Variants in BAIAP3 observed in about 807,000 individuals in gnomAD.
BAIAP3 encodes the protein BAI1-associated protein 3.
Under a neutral mutation model 149.7 loss-of-function variants are expected in BAIAP3, and 180 were observed. That is an observed-to-expected ratio of 1.20 (90% CI 1.07 to 1.36). BAIAP3 has a LOEUF of 1.36. BAIAP3 is among the 40% of genes most tolerant of loss of function. BAIAP3 has a pLI of 0.00. For synonymous variants in BAIAP3, 845 were observed against 670.7 expected (o/e 1.26, Z -4.02); for missense variants, 1,767 against 1,563.4 (o/e 1.13, Z -2.20).
chr16:1,343,147 T>C, intron 14 of BAIAP3, 131 bp downstream of exon 14: 1 of 1,095,970 alleles, frequency 9.1e-7, no homozygotes, highest in Non-Finnish European at 1.3e-6. Flanking sequence ...GCTGAGTAGG[T>C]GGGGCTGCGC....
rs773737203 is a variant in BAIAP3, at chr16:1,339,002, C to T, written c.219+13C>T. Reference sequence around the variant, plus strand: ...GCCGTGCCTCGAGGTAAGGGTGCCACCCCCAGGGCCCGATACCACAGCCCA... The same window carrying T: ...GCCGTGCCTCGAGGTAAGGGTGCCATCCCCAGGGCCCGATACCACAGCCCA... On this transcript the variant is annotated intron_variant, in intron 3 of 33. Coordinates refer to ENST00000426824, the MANE Select transcript of BAIAP3 (RefSeq NM_001199097.2). 5.6e-6 allele frequency: 9 copies of T among 1,612,280 alleles called. No individual in the cohort carries two copies. Among genetic ancestry groups the T allele is most frequent in the African/African-American group, 2.7e-5 (2 of 75,014 alleles).
Position 1,346,363 on chromosome 16 carries a change from T to G in BAIAP3, c.2493+2T>G. Reference sequence around the variant, plus strand: ...GTGACAGCGCACCTGACCTCTAAGGTGGGTGGGGCCTGGAGACCAAGGCGT... The same window carrying G: ...GTGACAGCGCACCTGACCTCTAAGGGGGGTGGGGCCTGGAGACCAAGGCGT... On this transcript the variant is annotated splice_donor_variant, in intron 25 of 33. Transcript: ENST00000426824. LOFTEE classifies it high-confidence loss of function. The G allele has an allele frequency of 6.2e-7, 1 of 1,608,932 alleles. No homozygotes were observed. Among genetic ancestry groups the G allele is most frequent in the Non-Finnish European group, 8.5e-7 (1 of 1,176,986 alleles).
chr16:1,347,393 C>T (rs776139444), intron 29 of BAIAP3, 24 bp downstream of exon 29: 11 of 1,611,048 alleles, frequency 6.8e-6, no homozygotes, highest in African/African-American at 5.3e-5. Flanking sequence ...CTCTGTGGGG[C>T]GGGGGTGTGG....
In BAIAP3 at chr16:1,343,016, T is replaced by C. The variant is rs776783816; in HGVS notation, c.1265T>C (p.Leu422Pro). The C allele has an allele frequency of 2.5e-6, 4 of 1,606,378 alleles. No homozygotes were observed. The highest frequency in any genetic ancestry group is 1.3e-5 in the African/African-American group (1 of 74,600). The change falls in exon 14 of 34, where the codon CTG becomes CCG. Residue 422 changes from leucine (L) to proline (P), a missense_variant and splice_region_variant. Transcript: ENST00000426824. ...CTGTCACCCTTGCAGCTGGCCGTGC[T>C]GTGAGTGGGTGGAGCTACGAGTGGG... ...SNLSPLQLAVLHWQVSSRHHQ... is the reference protein window; with the variant it reads ...SNLSPLQLAVPHWQVSSRHHQ...
At position 1,347,326 on chromosome 16, in the gene BAIAP3, G is replaced by A. The variant is rs757013131; in HGVS notation, c.2780G>A (p.Gly927Asp). The part of the protein sequence containing the change: ...EALVSFFHAE[G>D]QGLPLESLRD... Reference sequence around the variant, plus strand: ...CTGGTCAGTTTTTTCCACGCAGAGGGTCAGGGTTTGCCCCTGGAGAGCCTG... The same window carrying A: ...CTGGTCAGTTTTTTCCACGCAGAGGATCAGGGTTTGCCCCTGGAGAGCCTG... The change falls in exon 29 of 34, where the codon GGT (glycine) becomes GAT (aspartate). Residue 927 changes from glycine to aspartate, a missense_variant. Physicochemically the swap from Gly to Asp is moderately conservative, Grantham distance 94. Transcript: ENST00000426824. 6.2e-6 allele frequency: 10 copies of A among 1,613,372 alleles called. No homozygotes were observed. Among genetic ancestry groups the A allele is most frequent in the African/African-American group, 4.0e-5 (3 of 74,908 alleles).
chr16:1,345,969 C>A lies in BAIAP3; in HGVS notation c.2209-17C>A. ...AGGGGAGGGCTCCATGGCTCCCCAC[C>A]GCCATCCCCTCCTCAGGACGTGTGT... On this transcript the variant is annotated splice_polypyrimidine_tract_variant and intron_variant, in intron 23 of 33. Coordinates refer to ENST00000426824, the MANE Select transcript of BAIAP3 (RefSeq NM_001199097.2). The A allele has an allele frequency of 6.3e-7, 1 of 1,595,244 alleles. No homozygotes were observed. Among genetic ancestry groups the A allele is most frequent in the Non-Finnish European group, 8.5e-7 (1 of 1,170,018 alleles).
rs749833098 is a variant in BAIAP3, at chr16:1,346,426, C to G, written c.2494-16C>G. 7 of 1,612,146 alleles carry G rather than the reference C, an allele frequency of 4.3e-6. No homozygotes were observed. Among genetic ancestry groups the G allele is most frequent in the Admixed American group, 3.3e-5 (2 of 59,900 alleles). The stretch of plus-strand genomic sequence containing the variant: ...TGGTGCCCCCTGCCCGTGCTGAGCA[C>G]TGCTCCTGCCCTCAGATGGTGGGCG... On this transcript the variant is annotated splice_polypyrimidine_tract_variant and intron_variant, in intron 25 of 33. Coordinates refer to ENST00000426824, the MANE Select transcript of BAIAP3 (RefSeq NM_001199097.2).
Position 1,346,196 on chromosome 16 carries a change from G to C in BAIAP3, c.2328G>C (p.Glu776Asp), listed in dbSNP as rs147638428. The C allele has an allele frequency of 5.1e-5, 82 of 1,611,944 alleles. No homozygotes were observed. The African/African-American group carries it at 8.9e-4, about 18-fold the overall frequency. Residue 776 changes from glutamate (E) to aspartate (D), a missense_variant, in exon 25 of 34, where the codon GAG becomes GAC. Physicochemically the swap from Glu to Asp is conservative, Grantham distance 45 (BLOSUM62 2). Coordinates refer to ENST00000426824, the MANE Select transcript of BAIAP3 (RefSeq NM_001199097.2). ...EALCVVLNNV[E>D]LVRKAAGQAL... ...TCTGCGTGGTCCTCAACAATGTGGAGCTCGTGCGCAAGGCTGCTGGGCAGG... is the reference window on the plus strand; with the variant it reads ...TCTGCGTGGTCCTCAACAATGTGGACCTCGTGCGCAAGGCTGCTGGGCAGG...
At chr16:1,339,673 C>A in intron 5 of BAIAP3, 70 bp downstream of exon 5, 1 of 1,180,626 alleles carries the variant, frequency 8.5e-7, no homozygotes, top group Non-Finnish European at 1.2e-6. Flanking sequence ...CACCCACTGA[C>A]ACCATCATCA....
At position 1,348,883 on chromosome 16, in the gene BAIAP3, A is replaced by G. The variant is rs2034571919; in HGVS notation, c.*401A>G. ...TGCACAACGGGCAATGTGCAGACGC[A>G]TTTTTGGTAATCACAGCTGGGGAGT... On this transcript the variant is annotated 3_prime_UTR_variant, in exon 34 of 34. Coordinates refer to ENST00000426824, the MANE Select transcript of BAIAP3 (RefSeq NM_001199097.2). The G allele has an allele frequency of 3.4e-6, 1 of 295,430 alleles. No individual in the cohort carries two copies. The highest frequency in any genetic ancestry group is 6.4e-6 in the Non-Finnish European group (1 of 155,182). 18.3% of individuals were successfully genotyped at this position (295,430 alleles called of 1,614,324 possible). A position where few individuals can be genotyped will look rare whatever the true frequency, so the allele number is the denominator to read the frequency against.
At position 1,348,158 on chromosome 16, in the gene BAIAP3, A is replaced by G. The variant is rs2034519062; in HGVS notation, c.3212A>G (p.His1071Arg). 1 of 1,608,478 alleles carries G rather than the reference A, an allele frequency of 6.2e-7. No individual in the cohort carries two copies. The highest frequency in any genetic ancestry group is 1.7e-5 in the Admixed American group (1 of 60,000). ...AACVLFTVMD[H>R]DWLSTNDFAG... ...TGTGTGTTGTTCACCGTCATGGACC[A>G]CGACTGGCTGTCCACCAACGACTTC... is the stretch of plus-strand genomic sequence containing the variant. The change falls in exon 33 of 34, where the codon CAC (histidine) becomes CGC (arginine). Residue 1071 changes from histidine to arginine, a missense_variant. Physicochemically the swap from His to Arg is conservative, Grantham distance 29. Transcript: ENST00000426824.
At chr16:1,339,011 C>T (rs1460088686) in intron 3 of BAIAP3, 22 bp downstream of exon 3, 3 of 1,611,994 alleles carry the variant, frequency 1.9e-6, no homozygotes, top group Non-Finnish European at 1.7e-6. Context: ...ACCCCCAGGG[C>T]CCGATACCAC....
In BAIAP3 at chr16:1,341,827, T is replaced by C. The variant is rs373046881; in HGVS notation, c.737T>C (p.Ile246Thr). The C allele has an allele frequency of 1.5e-5, 24 of 1,612,272 alleles. No individual in the cohort carries two copies. Among genetic ancestry groups the C allele is most frequent in the African/African-American group, 5.3e-5 (4 of 74,994 alleles). Residue 246 changes from isoleucine (I) to threonine (T), a missense_variant, in exon 9 of 34, where the codon ATT becomes ACT. Transcript: ENST00000426824. ...CATCTCTGTTCTCCTTGTAGCGAGA[T>C]TGAGGATGTGAGCACGGACCAGCTG... ...PVWKEHFLFE[I>T]EDVSTDQLHL...
At chr16:1,343,732 T>G (rs1452687380) in intron 15 of BAIAP3, among the ~76,000 whole-genome samples, 1 of 152,160 alleles carries the variant, frequency 6.6e-6, no homozygotes, top group East Asian at 1.9e-4. Flanking sequence ...AGGACAGGGC[T>G]GGGGAAAGCC....
chr16:1,334,532 C>T (rs2033335566), intron 1 of BAIAP3: 2 of 778,968 alleles, frequency 2.6e-6, no homozygotes, highest in East Asian at 2.7e-5. Context: ...GAAGAAGGCG[C>T]CTCGGGCTCC....
chr16:1,337,937 C>T (rs899381582), intron 1 of BAIAP3, among the ~76,000 whole-genome samples: 10 of 152,300 alleles, frequency 6.6e-5, no homozygotes, highest in African/African-American at 2.4e-4. Context: ...GGGCATTGAC[C>T]CCCGCTGTGC....
At position 1,343,373 on chromosome 16, in the gene BAIAP3, C is replaced by T; in HGVS notation, c.1266-20C>T. On this transcript the variant is annotated intron_variant, in intron 14 of 33. Coordinates refer to ENST00000426824, the MANE Select transcript of BAIAP3 (RefSeq NM_001199097.2). ...CAGGGGCGGGGTTCATACCCTTTGA[C>T]CATGGGCCGGGCCCCACAGGCACTG... 1 of 1,574,966 alleles carries T rather than the reference C, an allele frequency of 6.3e-7. No individual in the cohort carries two copies. Among genetic ancestry groups the T allele is most frequent in the Non-Finnish European group, 8.6e-7 (1 of 1,160,956 alleles).
In BAIAP3 at chr16:1,338,920, G is replaced by A. The variant is rs770867768; in HGVS notation, c.150G>A (p.Val50=). 6 of 1,613,138 alleles carry A rather than the reference G, an allele frequency of 3.7e-6. No individual in the cohort carries two copies. The South Asian group carries it at 6.6e-5, about 18-fold the overall frequency. The change falls in exon 3 of 34, where the codon GTG becomes GTA. Residue 50 remains valine, a synonymous_variant. Transcript: ENST00000426824. ...TCTCCAGGAAACCCGGGGATGGCGT[G>A]GAGTTCTTTGCCCACATGCGCCTCA... is the stretch of plus-strand genomic sequence containing the variant. ...ATGAWKPGDG[V]EFFAHMRLML...
chr16:1,344,011 T>C lies in BAIAP3; in HGVS notation c.1387-11T>C, dbSNP rs762299165. 16 of 1,611,778 alleles carry C rather than the reference T, an allele frequency of 9.9e-6. No individual in the cohort carries two copies. Among genetic ancestry groups the C allele is most frequent in the Non-Finnish European group, 7.6e-6 (9 of 1,179,852 alleles). On this transcript the variant is annotated splice_polypyrimidine_tract_variant and intron_variant, in intron 15 of 33. Coordinates refer to ENST00000426824, the MANE Select transcript of BAIAP3 (RefSeq NM_001199097.2). The stretch of plus-strand genomic sequence containing the variant: ...CGGGGCTGCTGGCACTGAAGGGCCC[T>C]GTCCCCACAGGAGGAGAGCCTGGCT...
Sources: allele counts gnomAD v4.1 joint callset (sites outside exome capture counted in the v4.1 genomes callset), GRCh38; gene constraint gnomAD v4.1.1; transcripts MANE v1.5; gene names NCBI Gene and HGNC (gene_info 2026-07-23, HGNC 2026-07-21).